Variants in AP3B1 observed in about 807,000 individuals in gnomAD.
AP3B1 encodes the protein adaptor related protein complex 3 subunit beta 1.
AP3B1 carries 61 observed loss-of-function variants against 132.5 expected under a neutral mutation model. The ratio of observed to expected loss-of-function variants is 0.46; its 90% CI spans 0.37 to 0.57. The LOEUF (loss-of-function observed/expected upper bound fraction) is 0.57. AP3B1 is among the 20% of genes least tolerant of loss of function. The probability of loss-of-function intolerance (pLI) is 0.00; values close to 1 mark genes in which losing one functional copy is unlikely to be tolerated. For missense variants in AP3B1, 1,120 were observed against 1,289.4 expected, an observed-to-expected ratio of 0.87 and a Z score of 2.01; for synonymous variants, 388 against 438.3, an observed-to-expected ratio of 0.89 and a Z score of 1.43.
At position 78,110,262 on chromosome 5, in the gene AP3B1, T is replaced by C; in HGVS notation, c.2342A>G (p.Asp781Gly). ...ESSSIEDSSS[D>G]SESESEPESE... is the part of the protein sequence containing the mutation. Reference sequence around the variant, plus strand: ...TTCAGGTTCTGACTCTGATTCAGAATCGGAAGAACTGTCTTCTATTGAACT... The same window carrying C: ...TTCAGGTTCTGACTCTGATTCAGAACCGGAAGAACTGTCTTCTATTGAACT... The change falls in exon 20 of 27, where the codon GAT becomes GGT. Residue 781 changes from aspartate to glycine, a missense_variant. By Grantham distance (94) the Asp-to-Gly change is moderately conservative. Coordinates refer to ENST00000255194, the MANE Select transcript of AP3B1 (RefSeq NM_003664.5). 6.2e-7 allele frequency: 1 copy of C among 1,609,058 alleles called. No individual in the cohort carries two copies. Among genetic ancestry groups the C allele is most frequent in the South Asian group, 1.1e-5 (1 of 90,380 alleles).
intron 1 of AP3B1, among the ~76,000 whole-genome samples, chr5:78,272,512 G>C (rs898909883): frequency 6.6e-6 from 1 of 151,966 alleles, no homozygotes. Context: ...TTCTCCATTC[G>C]CATCTGTGAC....
chr5:78,164,015 A>G (rs543247046), intron 12 of AP3B1, among the ~76,000 whole-genome samples: 1 of 152,200 alleles, frequency 6.6e-6, no homozygotes, highest in South Asian at 2.1e-4. Context: ...CTAAAAAAAT[A>G]CAAATTTGCT....
intron 2 of AP3B1, among the ~76,000 whole-genome samples, chr5:78,261,544 C>A (rs1191675159): frequency 6.6e-6 from 1 of 152,192 alleles, no homozygotes; most frequent in Non-Finnish European, 1.5e-5. Context: ...CGGCTCACTG[C>A]AATCTCTGCC....
Position 78,149,135 on chromosome 5 carries a change from C to G in AP3B1, c.1473+7123G>C, listed in dbSNP as rs143379045. On this transcript the variant is annotated intron_variant, in intron 14 of 26. Coordinates refer to ENST00000255194, the MANE Select transcript of AP3B1 (RefSeq NM_003664.5). ...AGCAAAAGGAAATAATAAAAAAAACCTTGGCTAGGTCACTGAGTAGGTATG... is the reference window on the plus strand; with the variant it reads ...AGCAAAAGGAAATAATAAAAAAAACGTTGGCTAGGTCACTGAGTAGGTATG... Among the ~76,000 whole-genome samples, 196 of 152,206 alleles carry G rather than the reference C, an allele frequency of 1.3e-3. 1 individual carries two copies. Among genetic ancestry groups the G allele is most frequent in the Admixed American group, 3.7e-3 (56 of 15,298 alleles).
chr5:78,051,058 T>C (rs1173184932), intron 22 of AP3B1, among the ~76,000 whole-genome samples: 2 of 152,190 alleles, frequency 1.3e-5, no homozygotes, highest in African/African-American at 2.4e-5. Flanking sequence ...CACAACATTA[T>C]TTCTAAAGGA....
chr5:78,161,394 C>A (rs1460797602), intron 13 of AP3B1, among the ~76,000 whole-genome samples: 1 of 151,922 alleles, frequency 6.6e-6, no homozygotes. Context: ...TGTAAAAGAA[C>A]AATTGCCCTG....
intron 17 of AP3B1, among the ~76,000 whole-genome samples, chr5:78,120,703 G>A (rs1327448652): frequency 2.6e-5 from 4 of 152,124 alleles, no homozygotes; most frequent in Non-Finnish European, 4.4e-5. Context: ...CAAGTCCTGA[G>A]TGACCTACAA....
intron 11 of AP3B1, among the ~76,000 whole-genome samples, chr5:78,173,871 T>C (rs1744030882): frequency 6.6e-6 from 1 of 152,174 alleles, no homozygotes; most frequent in Non-Finnish European, 1.5e-5. Flanking sequence ...TCTTGGAGGC[T>C]TTGTTCATTT....
chr5:78,108,138 A>G lies in AP3B1; in HGVS notation c.2397+2069T>C, dbSNP rs544748277. On this transcript the variant is annotated intron_variant, in intron 20 of 26. Coordinates refer to ENST00000255194, the MANE Select transcript of AP3B1 (RefSeq NM_003664.5). ...TTCATGCTCAGTGCCCTCAAAACACATTGTCTGGATGAAAAAAAAGAAAAG... is the reference window on the plus strand; with the variant it reads ...TTCATGCTCAGTGCCCTCAAAACACGTTGTCTGGATGAAAAAAAAGAAAAG... Among the ~76,000 whole-genome samples, 25 of 152,286 alleles carry G rather than the reference A, an allele frequency of 1.6e-4. 3 individuals are homozygous for G. The South Asian group carries it at 5.2e-3, about 32-fold the overall frequency.
rs1486405569 is a variant in AP3B1, at chr5:78,040,831, G to A, written c.2578-1557C>T. Among the ~76,000 whole-genome samples the A allele has an allele frequency of 7.2e-5, 11 of 151,980 alleles. 1 individual carries two copies. Among genetic ancestry groups the A allele is most frequent in the African/African-American group, 1.7e-4 (7 of 41,362 alleles). ...GTGTACACCTGATGACATTACAAAC[G>A]TAGCAATTATAGTAATGATTTAAAG... On this transcript the variant is annotated intron_variant, in intron 22 of 26. Transcript: ENST00000255194.
Position 78,002,701 on chromosome 5 carries a change from G to T in AP3B1, c.*201C>A. 1.5e-6 allele frequency: 1 copy of T among 654,994 alleles called. No homozygotes were observed. The highest frequency in any genetic ancestry group is 2.7e-6 in the Non-Finnish European group (1 of 374,162). The allele number at this position is 654,994 out of a possible 1,614,324, so 40.6% of individuals were successfully genotyped here. A position where few individuals can be genotyped will look rare whatever the true frequency, so the allele number is the denominator to read the frequency against. ...ACTGACAGTAAAATATATGCTCTTTGGTTAGCAAAGCAAAAAGGGGGAAAG... is the reference window on the plus strand; with the variant it reads ...ACTGACAGTAAAATATATGCTCTTTTGTTAGCAAAGCAAAAAGGGGGAAAG... On this transcript the variant is annotated 3_prime_UTR_variant, in exon 27 of 27. Coordinates refer to ENST00000255194, the MANE Select transcript of AP3B1 (RefSeq NM_003664.5).
At chr5:78,213,926 A>C (rs1745855800) in intron 7 of AP3B1, among the ~76,000 whole-genome samples, 2 of 152,200 alleles carry the variant, frequency 1.3e-5, no homozygotes, top group African/African-American at 4.8e-5. Context: ...AACGCTGCAT[A>C]AGAAAGGAAG....
chr5:78,124,788 T>C (rs1363234), intron 17 of AP3B1, among the ~76,000 whole-genome samples: 43,569 of 152,008 alleles, frequency 0.29, 6,540 homozygotes, highest in Admixed American at 0.41. Context: ...CTGAAGTCCA[T>C]ATTTTTCTTA....
intron 17 of AP3B1, among the ~76,000 whole-genome samples, chr5:78,123,216 A>G (rs1049456592): frequency 6.6e-6 from 1 of 152,270 alleles, no homozygotes; most frequent in African/African-American, 2.4e-5. Flanking sequence ...TTAAAGACTT[A>G]AATGTTAGAT....
At chr5:78,280,679 A>T (rs889519422) in intron 1 of AP3B1, among the ~76,000 whole-genome samples, 2 of 142,736 alleles carry the variant, frequency 1.4e-5, no homozygotes, top group Non-Finnish European at 3.2e-5. Flanking sequence ...TAAATTCTTT[A>T]AAAAAACAAC....
At chr5:78,275,400 T>C (rs1748729390) in intron 1 of AP3B1, among the ~76,000 whole-genome samples, 1 of 152,176 alleles carries the variant, frequency 6.6e-6, no homozygotes, top group South Asian at 2.1e-4. Context: ...TTTATACAGA[T>C]TCTAAATTTA....
At chr5:78,222,701 G>A (rs1746231558) in intron 6 of AP3B1, among the ~76,000 whole-genome samples, 1 of 151,274 alleles carries the variant, frequency 6.6e-6, no homozygotes. Flanking sequence ...TAAAAAAGCA[G>A]AATATAAAAT....
intron 14 of AP3B1, among the ~76,000 whole-genome samples, chr5:78,149,853 G>A (rs1408225996): frequency 3.3e-5 from 5 of 152,002 alleles, no homozygotes; most frequent in African/African-American, 1.2e-4. Context: ...AGTAAGAACA[G>A]ATATGAATAC....
chr5:78,008,453 C>T (rs556532273), intron 26 of AP3B1, among the ~76,000 whole-genome samples: 155 of 152,266 alleles, frequency 1.0e-3, no homozygotes, highest in African/African-American at 3.6e-3. Flanking sequence ...TCCAAATATG[C>T]TTTCTGTGTG....
Sources: allele counts gnomAD v4.1 joint callset (sites outside exome capture counted in the v4.1 genomes callset), GRCh38; gene constraint gnomAD v4.1.1; transcripts MANE v1.5; gene names NCBI Gene and HGNC (gene_info 2026-07-23, HGNC 2026-07-21).